Variants in ELMO1 observed in about 807,000 individuals in gnomAD.
The protein encoded by ELMO1 is engulfment and cell motility protein 1.
Under a neutral mutation model 98.9 loss-of-function variants are expected in ELMO1, and 26 were observed. The ratio of observed to expected loss-of-function variants is 0.26; its 90% confidence interval spans 0.19 to 0.36. The LOEUF (loss-of-function observed/expected upper bound fraction) is 0.36. Among genes scored for constraint, ELMO1 ranks in the 10% least tolerant of loss-of-function variants. The probability of loss-of-function intolerance (pLI) is 1.00; values close to 1 mark genes in which losing one functional copy is unlikely to be tolerated. For missense variants in ELMO1, 627 were observed against 935.2 expected, an observed-to-expected ratio of 0.67 and a Z score of 4.30; for synonymous variants, 346 against 346.0, an observed-to-expected ratio of 1.00 and a Z score of 0.00.
chr7:36,969,367 C>A (rs1191718176), intron 16 of ELMO1, among the ~76,000 whole-genome samples: 12 of 152,002 alleles, frequency 7.9e-5, no homozygotes, highest in Admixed American at 7.9e-4. Context: ...TATTTTTATT[C>A]ATTTCTTCTT....
chr7:37,092,930 T>G (rs76780259), intron 15 of ELMO1, among the ~76,000 whole-genome samples: 1 of 151,110 alleles, frequency 6.6e-6, no homozygotes, highest in Admixed American at 6.6e-5. Flanking sequence ...TTTTTTTTTT[T>G]GGCTTCCTAA....
intron 1 of ELMO1, among the ~76,000 whole-genome samples, chr7:37,397,763 A>G (rs2392497): frequency 0.62 from 94,213 of 152,132 alleles, 30,168 homozygotes; most frequent in Non-Finnish European, 0.71. Context: ...ATGCCCATCA[A>G]CGATCGACTG....
At chr7:37,050,659 C>CACACACAAAA (rs767009287) in intron 15 of ELMO1, among the ~76,000 whole-genome samples, 1 of 142,630 alleles carries the variant, frequency 7.0e-6, no homozygotes, top group Non-Finnish European at 1.5e-5. Flanking sequence ...CACACACACA[C>CACACACAAAA]AAAAGGTAAC....
At chr7:37,005,423 G>A (rs1038363155) in intron 16 of ELMO1, among the ~76,000 whole-genome samples, 1 of 152,052 alleles carries the variant, frequency 6.6e-6, no homozygotes, top group Non-Finnish European at 1.5e-5. Flanking sequence ...TGGGCATGGT[G>A]GCTCACAACT....
At chr7:37,345,066 G>A (rs995607647) in intron 1 of ELMO1, among the ~76,000 whole-genome samples, 2 of 152,196 alleles carry the variant, frequency 1.3e-5, no homozygotes, top group Non-Finnish European at 2.9e-5. Flanking sequence ...CTTCAGCGCA[G>A]CTGACAAGTA....
intron 16 of ELMO1, among the ~76,000 whole-genome samples, chr7:36,902,187 T>C (rs2129059532): frequency 6.6e-6 from 1 of 152,374 alleles, no homozygotes; most frequent in Admixed American, 6.5e-5. Flanking sequence ...TTTCATCATG[T>C]GTCCTCAATT....
chr7:37,120,180 G>C (rs920213173), intron 14 of ELMO1, among the ~76,000 whole-genome samples: 1 of 152,220 alleles, frequency 6.6e-6, no homozygotes, highest in East Asian at 1.9e-4. Flanking sequence ...TGGCCAAATA[G>C]GAACAGCTCC....
rs1207606793 is a variant in ELMO1, at chr7:37,028,387, C to T, written c.1301-14952G>A. Among the ~76,000 whole-genome samples, 3 of 152,146 alleles carry T rather than the reference C, an allele frequency of 2.0e-5. No homozygotes were observed. In the East Asian group the frequency reaches 5.8e-4, roughly 29 times the overall value. The stretch of plus-strand genomic sequence containing the variant: ...CCATTTTTATGGAGACTTGATCTTG[C>T]CAACTATCATAATTTTTTGGACATG... On this transcript the variant is annotated intron_variant, in intron 15 of 21. Transcript: ENST00000310758.
chr7:37,153,524 T>C (rs1236149566), intron 13 of ELMO1, among the ~76,000 whole-genome samples: 5 of 152,098 alleles, frequency 3.3e-5, no homozygotes, highest in Admixed American at 6.6e-5. Context: ...CCACAGATCC[T>C]TGGGATGCTA....
intron 2 of ELMO1, among the ~76,000 whole-genome samples, chr7:37,321,592 CTG>C (rs1799497557): frequency 6.6e-6 from 1 of 151,328 alleles, no homozygotes; most frequent in African/African-American, 2.4e-5. Flanking sequence ...TGGCGGGCGC[CTG>C]TAGTCCCAGC....
At chr7:37,272,626 G>A (rs917654616) in intron 4 of ELMO1, among the ~76,000 whole-genome samples, 2 of 150,944 alleles carry the variant, frequency 1.3e-5, no homozygotes, top group Non-Finnish European at 2.9e-5. Context: ...AGTGAGCTGA[G>A]ATAGCACCAC....
intron 14 of ELMO1, among the ~76,000 whole-genome samples, chr7:37,127,732 T>G (rs1000676287): frequency 1.6e-4 from 25 of 152,300 alleles, no homozygotes; most frequent in African/African-American, 5.1e-4. Flanking sequence ...GTATTTCTTA[T>G]TATTCCAGTT....
At chr7:37,448,373 C>T (rs1805744133) in intron 1 of ELMO1, among the ~76,000 whole-genome samples, 1 of 151,766 alleles carries the variant, frequency 6.6e-6, no homozygotes. Flanking sequence ...GCGCTTCATC[C>T]GCGGGCGCCG....
chr7:37,195,714 G>T (rs542399051), intron 13 of ELMO1, among the ~76,000 whole-genome samples: 1 of 152,194 alleles, frequency 6.6e-6, no homozygotes, highest in Non-Finnish European at 1.5e-5. Context: ...GGTCCCAGAC[G>T]GACCACCTCC....
chr7:37,431,482 T>C (rs185379179), intron 1 of ELMO1, among the ~76,000 whole-genome samples: 57 of 152,342 alleles, frequency 3.7e-4, no homozygotes, highest in African/African-American at 1.3e-3. Context: ...GTGGAAAAGT[T>C]CTAGGTCAAG....
intron 14 of ELMO1, among the ~76,000 whole-genome samples, chr7:37,126,798 A>G (rs1023951809): frequency 6.6e-6 from 1 of 152,206 alleles, no homozygotes; most frequent in African/African-American, 2.4e-5. Flanking sequence ...GGTGTTTGAT[A>G]ATATTTCATG....
intron 1 of ELMO1, among the ~76,000 whole-genome samples, chr7:37,349,312 G>T (rs779494989): frequency 6.6e-6 from 1 of 152,176 alleles, no homozygotes; most frequent in Non-Finnish European, 1.5e-5. Flanking sequence ...AGTTGTCTCT[G>T]ATAGAAAAAG....
intron 13 of ELMO1, among the ~76,000 whole-genome samples, chr7:37,193,698 G>A (rs532019479): frequency 3.3e-5 from 5 of 152,164 alleles, no homozygotes; most frequent in African/African-American, 7.2e-5. Flanking sequence ...GGCCTGCTAC[G>A]GGAAGAGTAT....
In ELMO1 at chr7:37,224,423, G is replaced by A. The variant is rs1793757918; in HGVS notation, c.701+456C>T. Reference sequence around the variant, plus strand: ...AAGAAGCTCACTAGAATCACCTTGAGCATAACTAAGAAAGAAGCCTGCCTT... The same window carrying A: ...AAGAAGCTCACTAGAATCACCTTGAACATAACTAAGAAAGAAGCCTGCCTT... On this transcript the variant is annotated intron_variant, in intron 9 of 21. Coordinates refer to ENST00000310758, the MANE Select transcript of ELMO1 (RefSeq NM_014800.11). Among the ~76,000 whole-genome samples the A allele has an allele frequency of 2.0e-5, 3 of 152,254 alleles. No individual in the cohort carries two copies. In the South Asian group the frequency reaches 6.2e-4, roughly 32 times the overall value.
Sources: gnomAD v4.1 joint callset for allele counts (sites outside exome capture counted in the v4.1 genomes callset) on GRCh38, gnomAD v4.1.1 for gene constraint, MANE v1.5 for transcripts, NCBI Gene and HGNC (gene_info 2026-07-23, HGNC 2026-07-21) for gene names.